The following GRID2 variants were observed in gnomAD, a reference collection of about 807,000 sequenced individuals.
The protein encoded by GRID2 is glutamate ionotropic receptor delta type subunit 2, also known as glutamate receptor ionotropic, delta-2.
Under a neutral mutation model 114.8 loss-of-function variants are expected in GRID2, and 33 were observed. The ratio of observed to expected loss-of-function variants is 0.29; its 90% CI spans 0.22 to 0.38. The LOEUF (loss-of-function observed/expected upper bound fraction) is 0.38. Ranked by LOEUF, GRID2 falls within the 10% of genes least tolerant of loss-of-function variation. The probability of loss-of-function intolerance (pLI) is 1.00; values close to 1 mark genes in which losing one functional copy is unlikely to be tolerated. For missense variants in GRID2, 1,184 were observed against 1,257.7 expected, an observed-to-expected ratio of 0.94 and a Z score of 0.89; for synonymous variants, 505 against 449.9, an observed-to-expected ratio of 1.12 and a Z score of -1.55.
intron 13 of GRID2, among the ~76,000 whole-genome samples, chr4:93,576,978 T>C (rs1054133285): frequency 2.0e-5 from 3 of 152,112 alleles, no homozygotes; most frequent in African/African-American, 7.2e-5. Context: ...CCAGGAAAAA[T>C]AGTTTAGAAG....
downstream of GRID2, among the ~76,000 whole-genome samples, chr4:93,777,296 A>G (rs932822949): frequency 4.6e-5 from 7 of 152,236 alleles, no homozygotes; most frequent in African/African-American, 1.7e-4. Context: ...TCAAATTCCT[A>G]TGTCGTCAAT....
chr4:93,780,841 A>T (rs1292556075), intron 1 of GRID2, among the ~76,000 whole-genome samples: 2 of 152,174 alleles, frequency 1.3e-5, no homozygotes, highest in Non-Finnish European at 2.9e-5. Context: ...GAAAAAGTAA[A>T]CTGGTAGCAA....
chr4:93,129,825 T>G (rs1368571936), intron 4 of GRID2, among the ~76,000 whole-genome samples: 1 of 152,030 alleles, frequency 6.6e-6, no homozygotes. Flanking sequence ...AAATTAGAAC[T>G]TACAACAAAT....
intron 2 of GRID2, among the ~76,000 whole-genome samples, chr4:92,629,339 G>A (rs1451947421): frequency 6.6e-6 from 1 of 152,018 alleles, no homozygotes; most frequent in Non-Finnish European, 1.5e-5. Context: ...CATGGTATCA[G>A]GTGCTCCATC....
At chr4:92,657,931 ATAC>A (rs1470516672) in intron 2 of GRID2, among the ~76,000 whole-genome samples, 1 of 137,322 alleles carries the variant, frequency 7.3e-6, no homozygotes, top group East Asian at 2.2e-4. Flanking sequence ...GACATGTGAA[ATAC>A]AGTGGTAGGA....
At chr4:92,871,688 T>G (rs1357308295) in intron 2 of GRID2, among the ~76,000 whole-genome samples, 1 of 151,988 alleles carries the variant, frequency 6.6e-6, no homozygotes, top group Non-Finnish European at 1.5e-5. Flanking sequence ...ATATTAGAAT[T>G]TTTTTTAACT....
At chr4:93,227,716 A>G (rs1256848737) in intron 7 of GRID2, among the ~76,000 whole-genome samples, 2 of 152,228 alleles carry the variant, frequency 1.3e-5, no homozygotes, top group African/African-American at 2.4e-5. Context: ...CTTCAACCAG[A>G]TATTCTAGTT....
intron 4 of GRID2, among the ~76,000 whole-genome samples, chr4:93,128,491 CAATATGCTG>C (rs1305979609): frequency 6.6e-6 from 1 of 152,146 alleles, no homozygotes; most frequent in African/African-American, 2.4e-5. Context: ...TAAGATCACT[CAATATGCTG>C]AATGTGAATT....
At chr4:92,577,418 G>T (rs11935893) in intron 1 of GRID2, among the ~76,000 whole-genome samples, 61,510 of 151,998 alleles carry the variant, frequency 0.4, 12,581 homozygotes, top group African/African-American at 0.48. Context: ...TGGTAGGACC[G>T]AGGACAGAGA....
At chr4:93,149,565 G>T (rs1348179397) in intron 4 of GRID2, among the ~76,000 whole-genome samples, 7 of 131,216 alleles carry the variant, frequency 5.3e-5, no homozygotes, top group Non-Finnish European at 1.1e-4. Context: ...AACAAAGCAA[G>T]ACTCCATCAA....
At chr4:92,383,472 T>C (rs988811209) in intron 1 of GRID2, among the ~76,000 whole-genome samples, 1 of 152,044 alleles carries the variant, frequency 6.6e-6, no homozygotes, top group Non-Finnish European at 1.5e-5. Flanking sequence ...ACTCCTAACG[T>C]AAGAAACATG....
intron 3 of GRID2, among the ~76,000 whole-genome samples, chr4:93,092,917 G>A (rs1012992167): frequency 2.6e-5 from 4 of 151,944 alleles, no homozygotes; most frequent in Non-Finnish European, 4.4e-5. Flanking sequence ...TATGAGAACA[G>A]GCTTCAGTTC....
At chr4:93,018,754 C>T (rs1439558680) in intron 2 of GRID2, among the ~76,000 whole-genome samples, 18 of 152,048 alleles carry the variant, frequency 1.2e-4, no homozygotes, top group Admixed American at 1.2e-3. Flanking sequence ...AGGTTCCTGC[C>T]TTTCTTATTA....
rs1744146227 is a variant in GRID2, at chr4:93,215,832, C to T, written c.790-906C>T. 2.0e-5 allele frequency among the ~76,000 whole-genome samples: 3 copies of T among 152,134 alleles called. No homozygotes were observed. The South Asian group carries it at 6.2e-4, about 32-fold the overall frequency. Reference sequence around the variant, plus strand: ...TTAGATCAAACCTCAGAAATGCTCACTGCAACCCAAAACTTATTTTGTTTC... The same window carrying T: ...TTAGATCAAACCTCAGAAATGCTCATTGCAACCCAAAACTTATTTTGTTTC... On this transcript the variant is annotated intron_variant, in intron 5 of 15. Coordinates refer to ENST00000282020, the MANE Select transcript of GRID2 (RefSeq NM_001510.4).
At chr4:92,683,884 A>T (rs1733773056) in intron 2 of GRID2, among the ~76,000 whole-genome samples, 1 of 151,902 alleles carries the variant, frequency 6.6e-6, no homozygotes, top group African/African-American at 2.4e-5. Context: ...AAATGTTGAT[A>T]TGATTATAAG....
chr4:92,726,901 GA>G (rs146294623), intron 2 of GRID2, among the ~76,000 whole-genome samples: 2 of 151,514 alleles, frequency 1.3e-5, no homozygotes, highest in South Asian at 2.1e-4. Flanking sequence ...GATTTTACAG[GA>G]AAAAAAATGG....
rs1343698463 is a variant in GRID2 at position 93,050,980 on chromosome 4, A to G, written c.245-34015A>G. Among the ~76,000 whole-genome samples, 8 of 152,162 alleles carry G rather than the reference A, an allele frequency of 5.3e-5. No homozygotes were observed. The East Asian group carries it at 1.4e-3, about 26-fold the overall frequency. On this transcript the variant is annotated intron_variant, in intron 2 of 15. Transcript: ENST00000282020. ...GTATTGTTAAGCTTTTTAAATGCTGAATATAAAGGTCATACCACTGAGGGA... is the reference window on the plus strand; with the variant it reads ...GTATTGTTAAGCTTTTTAAATGCTGGATATAAAGGTCATACCACTGAGGGA...
intron 8 of GRID2, among the ~76,000 whole-genome samples, chr4:93,373,876 T>C (rs982902120): frequency 1.3e-5 from 2 of 152,212 alleles, no homozygotes; most frequent in African/African-American, 4.8e-5. Context: ...AAGGTGCTTT[T>C]GCTGAAATAA....
intron 11 of GRID2, among the ~76,000 whole-genome samples, chr4:93,460,357 C>G: frequency 6.6e-6 from 1 of 152,314 alleles, no homozygotes; most frequent in Middle Eastern, 3.4e-3. Flanking sequence ...TTTCCTAACT[C>G]TTCACCTTTG....
Sources: gnomAD v4.1 joint callset for allele counts (sites outside exome capture counted in the v4.1 genomes callset) on GRCh38, gnomAD v4.1.1 for gene constraint, MANE v1.5 for transcripts, NCBI Gene and HGNC (gene_info 2026-07-23, HGNC 2026-07-21) for gene names.